Variants in SCFD2 observed in about 807,000 individuals in gnomAD.
SCFD2 encodes the protein sec1 family domain-containing protein 2.
Under a neutral mutation model 58.9 loss-of-function variants are expected in SCFD2, and 54 were observed. The ratio of observed to expected loss-of-function variants is 0.92; its 90% confidence interval spans 0.74 to 1.15. The LOEUF is 1.15. Among genes scored for constraint, SCFD2 ranks in the 50% most tolerant of loss-of-function variants. SCFD2 has a pLI of 0.00. For synonymous variants in SCFD2, 321 were observed against 335.9 expected (o/e 0.96, Z 0.49); for missense variants, 805 against 836.6 (o/e 0.96, Z 0.47).
intron 3 of SCFD2, among the ~76,000 whole-genome samples, chr4:53,281,742 A>G (rs995963280): frequency 1.3e-5 from 2 of 152,324 alleles, no homozygotes; most frequent in East Asian, 3.9e-4. Context: ...CCAGTTGGTT[A>G]TCTCTGGAAC....
intron 3 of SCFD2, among the ~76,000 whole-genome samples, chr4:53,304,011 G>A (rs1489200973): frequency 2.7e-5 from 4 of 150,526 alleles, no homozygotes; most frequent in East Asian, 2.0e-4. Context: ...TAAATGACGA[G>A]TTAATGGGTG....
chr4:53,039,548 C>T (rs140517648), intron 5 of SCFD2, among the ~76,000 whole-genome samples: 17 of 152,284 alleles, frequency 1.1e-4, no homozygotes, highest in African/African-American at 3.6e-4. Context: ...CTCACCAATT[C>T]CTGCCTTTAA....
chr4:53,320,924 C>T (rs1165278037), intron 2 of SCFD2, among the ~76,000 whole-genome samples: 1 of 152,076 alleles, frequency 6.6e-6, no homozygotes, highest in East Asian at 1.9e-4. Flanking sequence ...TACCAGAATA[C>T]AATTTAATTT....
At chr4:52,950,868 G>A (rs1414019935) in intron 5 of SCFD2, 1 of 152,098 alleles carries the variant, frequency 6.6e-6, no homozygotes, top group African/African-American at 2.4e-5. Flanking sequence ...CAGCATTCGG[G>A]AACAGATACC....
intron 4 of SCFD2, among the ~76,000 whole-genome samples, chr4:53,248,627 G>A (rs191417985): frequency 6.6e-6 from 1 of 152,324 alleles, no homozygotes; most frequent in East Asian, 1.9e-4. Context: ...TGACCCCCGA[G>A]CAGCCTAAGT....
At chr4:52,969,354 C>T (rs757436386) in intron 5 of SCFD2, among the ~76,000 whole-genome samples, 11 of 152,178 alleles carry the variant, frequency 7.2e-5, no homozygotes, top group African/African-American at 2.2e-4. Flanking sequence ...TTAAATCATA[C>T]ATAAATATAA....
At chr4:53,127,059 T>G (rs1489021870) in intron 5 of SCFD2, among the ~76,000 whole-genome samples, 1 of 152,202 alleles carries the variant, frequency 6.6e-6, no homozygotes, top group South Asian at 2.1e-4. Context: ...AAACAGCTAA[T>G]TTAACCCAAA....
intron 4 of SCFD2, among the ~76,000 whole-genome samples, chr4:53,212,600 G>C (rs1188070362): frequency 6.6e-6 from 1 of 151,054 alleles, no homozygotes; most frequent in Non-Finnish European, 1.5e-5. Flanking sequence ...GTGTGTGTGT[G>C]TGTGTGTGCA....
intron 1 of SCFD2, among the ~76,000 whole-genome samples, chr4:53,354,532 G>A (rs780916248): frequency 1.3e-5 from 2 of 152,228 alleles, no homozygotes; most frequent in Non-Finnish European, 2.9e-5. Context: ...CCACAGTGCA[G>A]CGGCAGGCTA....
chr4:53,229,382 T>C (rs984303023), intron 4 of SCFD2, among the ~76,000 whole-genome samples: 5 of 152,208 alleles, frequency 3.3e-5, no homozygotes, highest in Non-Finnish European at 5.9e-5. Flanking sequence ...ACTACAAGGC[T>C]ACAGTAACCA....
chr4:53,255,854 C>A (rs1382554091), intron 4 of SCFD2, among the ~76,000 whole-genome samples: 5 of 150,134 alleles, frequency 3.3e-5, no homozygotes, highest in Non-Finnish European at 7.5e-5. Flanking sequence ...GACCCCCCCA[C>A]CTCCATCCCG....
At chr4:53,000,455 C>T (rs148225595) in intron 5 of SCFD2, among the ~76,000 whole-genome samples, 70 of 152,304 alleles carry the variant, frequency 4.6e-4, no homozygotes, top group African/African-American at 1.6e-3. Context: ...CTCCAACCAC[C>T]CACCATTCAT....
chr4:52,906,570 A>G (rs548131627), intron 7 of SCFD2, among the ~76,000 whole-genome samples: 1 of 152,310 alleles, frequency 6.6e-6, no homozygotes, highest in East Asian at 1.9e-4. Flanking sequence ...GTTGCTGAAA[A>G]TTGGGAACAG....
chr4:53,046,129 A>G (rs1207250838), intron 5 of SCFD2, among the ~76,000 whole-genome samples: 1 of 152,224 alleles, frequency 6.6e-6, no homozygotes, highest in Non-Finnish European at 1.5e-5. Flanking sequence ...TGAGGTTGAA[A>G]TATCCATACT....
At chr4:53,250,355 G>A (rs1730314290) in intron 4 of SCFD2, among the ~76,000 whole-genome samples, 1 of 152,120 alleles carries the variant, frequency 6.6e-6, no homozygotes, top group South Asian at 2.1e-4. Flanking sequence ...AATAATGGGA[G>A]ACTTTAACAC....
chr4:52,975,164 AC>A (rs1427039661), intron 5 of SCFD2, among the ~76,000 whole-genome samples: 1 of 152,232 alleles, frequency 6.6e-6, no homozygotes, highest in African/African-American at 2.4e-5. Flanking sequence ...GCCAAAATTG[AC>A]AAATGGGATC....
intron 4 of SCFD2, chr4:53,265,311 A>C (rs1481094876): frequency 6.6e-6 from 1 of 152,150 alleles, no homozygotes; most frequent in Non-Finnish European, 1.5e-5. Context: ...TCTGAATCCA[A>C]TGAGGATTAT....
chr4:53,021,418 T>C (rs1722346945), intron 5 of SCFD2, among the ~76,000 whole-genome samples: 2 of 152,194 alleles, frequency 1.3e-5, no homozygotes, highest in Admixed American at 1.3e-4. Flanking sequence ...GTAGGTTTAG[T>C]TTAAAACTAA....
In SCFD2 at chr4:53,010,752, TG is replaced by T. The variant is rs781399917; in HGVS notation, c.1562-89883del. 5.3e-5 allele frequency among the ~76,000 whole-genome samples: 8 copies of T among 152,204 alleles called. 1 individual carries two copies. Among genetic ancestry groups the T allele is most frequent in the Non-Finnish European group, 1.0e-4 (7 of 68,028 alleles). ...CTCAAGTGAAAGTTTTCATTCCTTT[TG>T]CTTCTTTTCCCATTTTGGGGCCGGG... On this transcript the variant is annotated intron_variant, in intron 5 of 8. Transcript: ENST00000401642.
Sources: gnomAD v4.1 joint callset for allele counts (sites outside exome capture counted in the v4.1 genomes callset) on GRCh38, gnomAD v4.1.1 for gene constraint, MANE v1.5 for transcripts, NCBI Gene and HGNC (gene_info 2026-07-23, HGNC 2026-07-21) for gene names.